HNRNPC: variants seen among roughly 807,000 people sequenced by gnomAD.
The protein encoded by HNRNPC is heterogeneous nuclear ribonucleoprotein C, also known as heterogeneous nuclear ribonucleoproteins C1/C2.
In HNRNPC, 3 loss-of-function variants were observed where a neutral mutation model predicts 33.2. The observed-to-expected ratio is 0.09, with a 90% CI of 0.04 to 0.23. HNRNPC has a LOEUF of 0.23. Among genes scored for constraint, HNRNPC ranks in the 10% least tolerant of loss-of-function variants. The probability of loss-of-function intolerance (pLI) is 1.00; values close to 1 mark genes in which losing one functional copy is unlikely to be tolerated. For synonymous variants in HNRNPC, 121 were observed against 126.7 expected (o/e 0.96, Z 0.30); for missense variants, 143 against 366.7 (o/e 0.39, Z 4.98).
At chr14:21,268,141 G>A (rs946504202) in intron 1 of HNRNPC, among the ~76,000 whole-genome samples, 1 of 152,262 alleles carries the variant, frequency 6.6e-6, no homozygotes, top group Non-Finnish European at 1.5e-5. Flanking sequence ...CGATGTCCCA[G>A]ATAAGTCAAT....
At chr14:21,253,935 G>A (rs928818229) in intron 2 of HNRNPC, among the ~76,000 whole-genome samples, 3 of 151,320 alleles carry the variant, frequency 2.0e-5, no homozygotes, top group African/African-American at 7.3e-5. Context: ...GGGTGTGTTG[G>A]CACGCACCTA....
At chr14:21,259,774 T>C (rs1344603220) in intron 2 of HNRNPC, among the ~76,000 whole-genome samples, 2 of 151,790 alleles carry the variant, frequency 1.3e-5, no homozygotes, top group Non-Finnish European at 2.9e-5. Flanking sequence ...CCAATCTCAT[T>C]TCCTCTACAC....
intron 5 of HNRNPC, among the ~76,000 whole-genome samples, chr14:21,230,043 T>A (rs1893938343): frequency 6.6e-6 from 1 of 152,216 alleles, no homozygotes; most frequent in African/African-American, 2.4e-5. Context: ...AAGCCACCCA[T>A]AACCCAGTCC....
At chr14:21,228,517 G>A (rs979538275) in intron 5 of HNRNPC, among the ~76,000 whole-genome samples, 3 of 151,980 alleles carry the variant, frequency 2.0e-5, no homozygotes, top group Admixed American at 1.3e-4. Context: ...TCATCCTCCT[G>A]AGTAGCTGGG....
Position 21,210,983 on chromosome 14 carries a change from A to G in HNRNPC, c.*240T>C. 2 of 547,040 alleles carry G rather than the reference A, an allele frequency of 3.7e-6. No individual in the cohort carries two copies. Among genetic ancestry groups the G allele is most frequent in the Middle Eastern group, 4.8e-4 (1 of 2,074 alleles). The allele number at this position is 547,040 out of a possible 1,614,324, so 33.9% of individuals were successfully genotyped here. A position where few individuals can be genotyped will look rare whatever the true frequency, so the allele number is the denominator to read the frequency against. On this transcript the variant is annotated 3_prime_UTR_variant, in exon 9 of 9. Transcript: ENST00000553300. ...ATTGTTAAGTCATAAAGAGGTATCA[A>G]AATTAAAAGCAAAAATTACAGGGTA... is the stretch of plus-strand genomic sequence containing the variant.
chr14:21,217,435 C>G (rs144823851), intron 5 of HNRNPC, among the ~76,000 whole-genome samples: 1 of 152,178 alleles, frequency 6.6e-6, no homozygotes, highest in Non-Finnish European at 1.5e-5. Flanking sequence ...TTGCTCACCA[C>G]TGGAGCTATA....
intron 5 of HNRNPC, among the ~76,000 whole-genome samples, chr14:21,219,916 C>G (rs550783267): frequency 7.4e-4 from 113 of 152,294 alleles, no homozygotes; most frequent in African/African-American, 2.5e-3. Context: ...CAGACAAAAA[C>G]GCTGGCCACA....
At chr14:21,232,903 G>T (rs1894268912) in intron 3 of HNRNPC, among the ~76,000 whole-genome samples, 1 of 152,068 alleles carries the variant, frequency 6.6e-6, no homozygotes, top group African/African-American at 2.4e-5. Flanking sequence ...CAGGTGTGGT[G>T]GCACATGCCT....
rs71112557 is a variant in HNRNPC at position 21,218,681 on chromosome 14, CAAAAAAAAAA to C, written c.366-5574_366-5565del. Among the ~76,000 whole-genome samples, 326 of 51,252 alleles carry C rather than the reference CAAAAAAAAAA, an allele frequency of 6.4e-3. 1 individual carries two copies. The highest frequency in any genetic ancestry group is 8.2e-3 in the Non-Finnish European group (259 of 31,538). 33.6% of individuals were successfully genotyped at this position (51,252 alleles called of 152,430 possible). A position where few individuals can be genotyped will look rare whatever the true frequency, so the allele number is the denominator to read the frequency against. On this transcript the variant is annotated intron_variant, in intron 5 of 8. Transcript: ENST00000553300. ...TGGGAGACAAAGCGAAACTCTCTCT[CAAAAAAAAAA>C]AAAAAAAAAAAAAAAAACTGAAATT...
At chr14:21,260,987 G>A (rs1181613115) in intron 2 of HNRNPC, among the ~76,000 whole-genome samples, 1 of 149,990 alleles carries the variant, frequency 6.7e-6, no homozygotes, top group Non-Finnish European at 1.5e-5. Flanking sequence ...AAAAAGATGG[G>A]GTCTCATTAT....
intron 2 of HNRNPC, among the ~76,000 whole-genome samples, chr14:21,244,681 T>C (rs865835659): frequency 1.3e-5 from 2 of 152,198 alleles, no homozygotes; most frequent in African/African-American, 4.8e-5. Context: ...TTATGCAATT[T>C]TGTCACTGTG....
At chr14:21,269,135 G>A (rs147413793) in intron 1 of HNRNPC, among the ~76,000 whole-genome samples, 163 bp downstream of exon 1, 54 of 152,134 alleles carry the variant, frequency 3.5e-4, no homozygotes, top group African/African-American at 1.2e-3. Context: ...CAGAGGCTGA[G>A]GCCTATAAAA....
intron 5 of HNRNPC, among the ~76,000 whole-genome samples, chr14:21,218,088 A>C (rs1892391847): frequency 6.6e-6 from 1 of 152,098 alleles, no homozygotes. Context: ...TCAGTCTCCC[A>C]AGTAGCGTGG....
intron 4 of HNRNPC, 115 bp downstream of exon 4, chr14:21,230,882 C>A (rs762490092): frequency 2.7e-5 from 33 of 1,200,698 alleles, no homozygotes; most frequent in Non-Finnish European, 3.9e-5. Flanking sequence ...ACTTAAACCT[C>A]CCCACACCCA....
chr14:21,213,202 G>A lies in HNRNPC; in HGVS notation c.366-85C>T, dbSNP rs1891807268. 3 of 1,335,238 alleles carry A rather than the reference G, an allele frequency of 2.2e-6. No homozygotes were observed. The East Asian group carries it at 7.4e-5, about 33-fold the overall frequency. 82.7% of individuals were successfully genotyped at this position (1,335,238 alleles called of 1,614,324 possible). Reference sequence around the variant, plus strand: ...ACAGACCTTATGATAAATAGTAAGTGAATATTGTCTCTAGTCGTTTCCTTT... The same window carrying A: ...ACAGACCTTATGATAAATAGTAAGTAAATATTGTCTCTAGTCGTTTCCTTT... On this transcript the variant is annotated intron_variant, in intron 5 of 8. Coordinates refer to ENST00000553300, the MANE Select transcript of HNRNPC (RefSeq NM_004500.4).
At chr14:21,263,923 C>T (rs1458546240) in intron 1 of HNRNPC, 1 of 152,170 alleles carries the variant, frequency 6.6e-6, no homozygotes, top group Admixed American at 6.6e-5. Context: ...CTGCAGCTAA[C>T]ACATTTTGGT....
At chr14:21,266,061 T>C (rs1189164303) in intron 1 of HNRNPC, among the ~76,000 whole-genome samples, 1 of 152,184 alleles carries the variant, frequency 6.6e-6, no homozygotes, top group Non-Finnish European at 1.5e-5. Flanking sequence ...AGAACCACTG[T>C]GAAGATTTTA....
intron 1 of HNRNPC, chr14:21,268,704 G>A (rs1018132392): frequency 6.6e-6 from 1 of 152,150 alleles, no homozygotes; most frequent in South Asian, 2.1e-4. Context: ...TATTAATATA[G>A]TTATATCACA....
chr14:21,220,497 G>A (rs1892707520), intron 5 of HNRNPC, among the ~76,000 whole-genome samples: 1 of 152,148 alleles, frequency 6.6e-6, no homozygotes, highest in Admixed American at 6.5e-5. Flanking sequence ...CCAAAGTGCT[G>A]GGATTACAGG....
Sources: allele counts gnomAD v4.1 joint callset (sites outside exome capture counted in the v4.1 genomes callset), GRCh38; gene constraint gnomAD v4.1.1; transcripts MANE v1.5; gene names NCBI Gene and HGNC (gene_info 2026-07-23, HGNC 2026-07-21).